PJA2: variants seen among roughly 807,000 people sequenced by gnomAD.
PJA2 encodes praja ring finger ubiquitin ligase 2.
PJA2 carries 25 observed loss-of-function variants against 69.3 expected under a neutral mutation model. That is an observed-to-expected ratio of 0.36 (90% CI 0.26 to 0.50). The LOEUF is 0.50. Ranked by LOEUF, PJA2 falls within the 20% of genes least tolerant of loss-of-function variation. The pLI is 0.96. For synonymous variants in PJA2, 308 were observed against 277.8 expected (o/e 1.11, Z -1.08); for missense variants, 809 against 830.2 (o/e 0.97, Z 0.31).
rs146058615 is a variant in PJA2 at position 109,392,419 on chromosome 5, C to T, written c.-87-8899G>A. 4.1e-3 allele frequency among the ~76,000 whole-genome samples: 618 copies of T among 151,664 alleles called. 4 individuals carry two copies. Among genetic ancestry groups the T allele is most frequent in the East Asian group, 0.021 (108 of 5,150 alleles). ...CTACTAAAAATACAAAAATTTGCCG[C>T]GCATGGTGGTGCACACCTGTAGTCC... On this transcript the variant is annotated intron_variant, in intron 1 of 9. Transcript: ENST00000361189.
At chr5:109,398,187 A>C (rs1197618235) in intron 1 of PJA2, among the ~76,000 whole-genome samples, 1 of 152,190 alleles carries the variant, frequency 6.6e-6, no homozygotes, top group African/African-American at 2.4e-5. Context: ...AAATAGGAAC[A>C]CTAGTTCAAC....
intron 4 of PJA2, among the ~76,000 whole-genome samples, chr5:109,372,887 T>C (rs1363291431): frequency 4.1e-5 from 3 of 72,502 alleles, no homozygotes; most frequent in African/African-American, 1.0e-4. Flanking sequence ...CCTTGGCAAC[T>C]AGAGCAACAC....
At chr5:109,390,616 C>T (rs1747261228) in intron 1 of PJA2, 1 of 151,988 alleles carries the variant, frequency 6.6e-6, no homozygotes, top group Admixed American at 6.6e-5. Flanking sequence ...TACCATCTTG[C>T]TATTATTTTC....
chr5:109,399,243 T>C (rs950805537), intron 1 of PJA2, among the ~76,000 whole-genome samples: 3 of 150,286 alleles, frequency 2.0e-5, no homozygotes, highest in African/African-American at 7.3e-5. Context: ...GAGGCAGAGT[T>C]TGGCTACCAT....
At chr5:109,361,202 G>C (rs1305985595) in intron 6 of PJA2, among the ~76,000 whole-genome samples, 1 of 152,114 alleles carries the variant, frequency 6.6e-6, no homozygotes, top group Non-Finnish European at 1.5e-5. Flanking sequence ...AACCCTTTTG[G>C]AAGTATTTGG....
At chr5:109,408,490 T>C (rs1477083098) in intron 1 of PJA2, among the ~76,000 whole-genome samples, 7 of 151,938 alleles carry the variant, frequency 4.6e-5, no homozygotes, top group Admixed American at 3.9e-4. Flanking sequence ...ATTAAGTCAA[T>C]AAGCAAGCGG....
intron 2 of PJA2, among the ~76,000 whole-genome samples, chr5:109,383,170 A>C (rs2127008724): frequency 6.6e-6 from 1 of 152,342 alleles, no homozygotes; most frequent in South Asian, 2.1e-4. Context: ...TAGTCTCCGA[A>C]GTGGAAAGCA....
chr5:109,404,376 C>G (rs1446835882), intron 1 of PJA2, among the ~76,000 whole-genome samples: 1 of 151,920 alleles, frequency 6.6e-6, no homozygotes, highest in Non-Finnish European at 1.5e-5. Context: ...CAAAAATTAG[C>G]CAGGCATGGT....
At chr5:109,397,197 T>G (rs1160442081) in intron 1 of PJA2, among the ~76,000 whole-genome samples, 1 of 152,224 alleles carries the variant, frequency 6.6e-6, no homozygotes, top group Non-Finnish European at 1.5e-5. Context: ...GCACCTTGAT[T>G]TGGAACATCC....
At chr5:109,374,882 C>CA (rs1344149721) in intron 4 of PJA2, among the ~76,000 whole-genome samples, 3 of 152,140 alleles carry the variant, frequency 2.0e-5, no homozygotes. Flanking sequence ...ATCTTGTCCT[C>CA]AAACAGTTAC....
chr5:109,347,883 C>G (rs1762194577), intron 7 of PJA2, among the ~76,000 whole-genome samples: 1 of 152,202 alleles, frequency 6.6e-6, no homozygotes, highest in African/African-American at 2.4e-5. Context: ...TAAATTTTCC[C>G]TGTTCAAATT....
At chr5:109,386,195 T>C (rs1000439373) in intron 1 of PJA2, among the ~76,000 whole-genome samples, 4 of 151,960 alleles carry the variant, frequency 2.6e-5, no homozygotes, top group Non-Finnish European at 5.9e-5. Flanking sequence ...GCTTAACCTA[T>C]AGCAGAAAAA....
At chr5:109,372,923 A>AAAGAAAGAAAG (rs1554054556) in intron 4 of PJA2, among the ~76,000 whole-genome samples, 1,515 of 136,848 alleles carry the variant, frequency 0.011, 47 homozygotes, top group African/African-American at 0.041. Context: ...AAAAAAAAAA[A>AAAGAAAGAAAG]AAAGAAAGAA....
intron 1 of PJA2, among the ~76,000 whole-genome samples, chr5:109,387,995 T>G (rs1747198014): frequency 1.3e-5 from 2 of 152,218 alleles, no homozygotes; most frequent in Admixed American, 1.3e-4. Context: ...TGGGCACACA[T>G]GGATTCAAAC....
intron 5 of PJA2, among the ~76,000 whole-genome samples, chr5:109,363,978 G>A (rs770780236): frequency 1.7e-4 from 26 of 151,892 alleles, no homozygotes; most frequent in Admixed American, 9.2e-4. Flanking sequence ...ATAGTGAAAC[G>A]CTGTCTCTAC....
intron 7 of PJA2, among the ~76,000 whole-genome samples, chr5:109,345,660 G>A (rs1304179924): frequency 6.6e-6 from 1 of 152,150 alleles, no homozygotes; most frequent in Non-Finnish European, 1.5e-5. Context: ...TTTTGGAAAG[G>A]TTCACTTCAT....
At chr5:109,383,876 G>A (rs1221002147) in intron 1 of PJA2, among the ~76,000 whole-genome samples, 4 of 152,106 alleles carry the variant, frequency 2.6e-5, no homozygotes, top group Non-Finnish European at 5.9e-5. Context: ...GCAGTGAGCC[G>A]AGATCATGCC....
intron 4 of PJA2, among the ~76,000 whole-genome samples, chr5:109,372,963 G>A (rs561610602): frequency 7.2e-6 from 1 of 138,694 alleles, no homozygotes; most frequent in African/African-American, 2.6e-5. Flanking sequence ...GCATGGTGGT[G>A]CACACCTGTA....
Position 109,379,136 on chromosome 5 carries a change from T to C in PJA2, c.351A>G (p.Gln117=), listed in dbSNP as rs376459724. The C allele has an allele frequency of 8.1e-6, 13 of 1,614,168 alleles. No homozygotes were observed. The highest frequency in any genetic ancestry group is 5.3e-5 in the African/African-American group (4 of 75,050). Reference sequence around the variant, plus strand: ...CACTGTGATGTACTGCAACAAAGGATTGACTGCTCTCAGTGGTTTGATTCA... The same window carrying C: ...CACTGTGATGTACTGCAACAAAGGACTGACTGCTCTCAGTGGTTTGATTCA... ...SALNQTTESS[Q]SFVAVHHSEE... The change falls in exon 4 of 10, where the codon CAA becomes CAG. Residue 117 remains glutamine (Q), a synonymous_variant. Transcript: ENST00000361189.
Sources: allele counts gnomAD v4.1 joint callset (sites outside exome capture counted in the v4.1 genomes callset), GRCh38; gene constraint gnomAD v4.1.1; transcripts MANE v1.5; gene names NCBI Gene and HGNC (gene_info 2026-07-23, HGNC 2026-07-21).